The following ADCY8 variants were observed in gnomAD, a reference collection of about 807,000 sequenced individuals.
The protein encoded by ADCY8 is adenylate cyclase 8, also known as adenylate cyclase type 8.
ADCY8 carries 51 observed loss-of-function variants against 119.7 expected under a neutral mutation model. That is an observed-to-expected ratio of 0.43 (90% CI 0.34 to 0.54). ADCY8 has a LOEUF of 0.54. ADCY8 is among the 20% of genes least tolerant of loss of function. ADCY8 has a pLI of 0.03. For synonymous variants in ADCY8, 665 were observed against 651.0 expected, an observed-to-expected ratio of 1.02 and a Z score of -0.33; for missense variants, 1,383 against 1,598.8, an observed-to-expected ratio of 0.87 and a Z score of 2.30.
chr8:130,957,569 G>A (rs6987663), intron 2 of ADCY8, among the ~76,000 whole-genome samples: 149,733 of 152,292 alleles, frequency 0.98, 73,621 homozygotes, highest in African/African-American at 1. Flanking sequence ...TTAATCCCCA[G>A]GACAATGGGG....
At chr8:130,878,650 G>T (rs146701460) in intron 8 of ADCY8, among the ~76,000 whole-genome samples, 1,928 of 152,222 alleles carry the variant, frequency 0.013, 46 homozygotes, top group African/African-American at 0.044. Flanking sequence ...AATCTTGGGG[G>T]CAGAGTGATG....
chr8:130,851,507 G>GGCACAGC (rs1817527525), intron 9 of ADCY8, among the ~76,000 whole-genome samples: 1 of 152,166 alleles, frequency 6.6e-6, no homozygotes, highest in African/African-American at 2.4e-5. Context: ...GTGCTCAGGA[G>GGCACAGC]CTTTGTCCTG....
At chr8:130,888,636 T>A (rs1337218018) in intron 7 of ADCY8, among the ~76,000 whole-genome samples, 1 of 152,066 alleles carries the variant, frequency 6.6e-6, no homozygotes, top group Non-Finnish European at 1.5e-5. Flanking sequence ...CTGAACTGAG[T>A]CTCTGATGAT....
chr8:130,862,108 T>C (rs1045950413), intron 9 of ADCY8, among the ~76,000 whole-genome samples: 2 of 152,182 alleles, frequency 1.3e-5, no homozygotes, highest in African/African-American at 4.8e-5. Context: ...TTTATGTTTA[T>C]GTTTATGAGA....
intron 14 of ADCY8, among the ~76,000 whole-genome samples, chr8:130,808,933 G>A (rs1442792196): frequency 6.6e-6 from 1 of 151,314 alleles, no homozygotes; most frequent in Non-Finnish European, 1.5e-5. Context: ...TGGGTTTCCC[G>A]GGACTCAGAG....
At chr8:130,992,268 T>A (rs1398967418) in intron 1 of ADCY8, among the ~76,000 whole-genome samples, 1 of 147,830 alleles carries the variant, frequency 6.8e-6, no homozygotes, top group Non-Finnish European at 1.5e-5. Flanking sequence ...TTAGTAGAGA[T>A]GGGGTTTCAC....
At chr8:130,854,340 TAA>T (rs1817637094) in intron 9 of ADCY8, among the ~76,000 whole-genome samples, 1 of 152,224 alleles carries the variant, frequency 6.6e-6, no homozygotes, top group South Asian at 2.1e-4. Flanking sequence ...TTCTAGACAT[TAA>T]GTCCTAATTA....
chr8:131,010,426 G>T (rs765897147), intron 1 of ADCY8, among the ~76,000 whole-genome samples: 8 of 152,218 alleles, frequency 5.3e-5, no homozygotes, highest in Non-Finnish European at 1.0e-4. Context: ...AATTTGAGTT[G>T]TACAAAGTAA....
intron 5 of ADCY8, among the ~76,000 whole-genome samples, chr8:130,923,228 A>C (rs1203954323): frequency 6.6e-6 from 1 of 152,066 alleles, no homozygotes; most frequent in Non-Finnish European, 1.5e-5. Context: ...AAAGAGAGAA[A>C]AGAAAAGAGG....
intron 2 of ADCY8, among the ~76,000 whole-genome samples, chr8:130,963,399 G>A (rs1821666270): frequency 6.6e-6 from 1 of 152,182 alleles, no homozygotes; most frequent in South Asian, 2.1e-4. Flanking sequence ...CTAGACCTGT[G>A]GAGAGCTAGG....
intron 12 of ADCY8, among the ~76,000 whole-genome samples, chr8:130,832,280 G>A (rs192260147): frequency 3.3e-5 from 5 of 152,240 alleles, no homozygotes; most frequent in Non-Finnish European, 4.4e-5. Flanking sequence ...GTAGTTTGAC[G>A]AGCAGATTGG....
intron 9 of ADCY8, 103 bp downstream of exon 9, chr8:130,867,743 C>T (rs1321973333): frequency 1.3e-6 from 1 of 746,596 alleles, no homozygotes; most frequent in South Asian, 1.9e-5. Flanking sequence ...GTCCTGGACT[C>T]AGTTATTTTA....
Position 130,780,877 on chromosome 8 carries a change from C to T in ADCY8, c.3269G>A (p.Gly1090Asp), listed in dbSNP as rs1563660832. ...HSFNNFELRI[G>D]ISHGSVVAGV... ...AGCTACCACTGAGCCGTGGCTGATG[C>T]CTGGGGGGTGAAGCAAAGGAGCAAG... The change falls in exon 18 of 18, where the codon GGC becomes GAC. Residue 1090 changes from glycine (G) to aspartate (D), a missense_variant and splice_region_variant. By Grantham distance (94) the Gly-to-Asp change is moderately conservative. Coordinates refer to ENST00000286355, the MANE Select transcript of ADCY8 (RefSeq NM_001115.3). 1 of 1,612,198 alleles carries T rather than the reference C, an allele frequency of 6.2e-7. No homozygotes were observed. The highest frequency in any genetic ancestry group is 1.1e-5 in the South Asian group (1 of 90,986).
chr8:130,996,561 T>C (rs75638916), intron 1 of ADCY8, among the ~76,000 whole-genome samples: 3,275 of 152,162 alleles, frequency 0.022, 137 homozygotes, highest in African/African-American at 0.073. Context: ...TTGTACATGA[T>C]ACATGTAGCT....
At chr8:130,847,277 A>G in intron 11 of ADCY8, 147 bp downstream of exon 11, 1 of 584,982 alleles carries the variant, frequency 1.7e-6, no homozygotes, top group Non-Finnish European at 3.0e-6. Flanking sequence ...AAAGGGAAAG[A>G]AGAAGAAAGG....
chr8:130,930,867 T>G (rs533881589), intron 5 of ADCY8, among the ~76,000 whole-genome samples: 7 of 152,184 alleles, frequency 4.6e-5, no homozygotes, highest in Non-Finnish European at 1.0e-4. Flanking sequence ...TTTGAAAAGT[T>G]TTCTGCTACT....
chr8:131,017,830 A>C lies in ADCY8; in HGVS notation c.960+21544T>G, dbSNP rs557743354. On this transcript the variant is annotated intron_variant, in intron 1 of 17. Coordinates refer to ENST00000286355, the MANE Select transcript of ADCY8 (RefSeq NM_001115.3). Reference sequence around the variant, plus strand: ...GAAGTATGCCATGTAAGAGAAAAAAAAAAAATCCCACTAGGAGATGAGCAG... The same window carrying C: ...GAAGTATGCCATGTAAGAGAAAAAACAAAAATCCCACTAGGAGATGAGCAG... Among the ~76,000 whole-genome samples the C allele has an allele frequency of 9.3e-3, 1,423 of 152,328 alleles. 29 individuals are homozygous for C. The highest frequency in any genetic ancestry group is 0.032 in the African/African-American group (1,330 of 41,560).
chr8:130,918,508 T>C (rs1370346872), intron 5 of ADCY8, among the ~76,000 whole-genome samples: 5 of 152,188 alleles, frequency 3.3e-5, no homozygotes, highest in Non-Finnish European at 7.3e-5. Context: ...TAAAACCTAT[T>C]TTTTTAAAAA....
intron 5 of ADCY8, among the ~76,000 whole-genome samples, chr8:130,917,368 GC>G: frequency 6.6e-6 from 1 of 152,310 alleles, no homozygotes; most frequent in East Asian, 1.9e-4. Flanking sequence ...GGAAGCTGGA[GC>G]CCAGAGAGGT....
Sources: gnomAD v4.1 joint callset for allele counts (sites outside exome capture counted in the v4.1 genomes callset) on GRCh38, gnomAD v4.1.1 for gene constraint, MANE v1.5 for transcripts, NCBI Gene and HGNC (gene_info 2026-07-23, HGNC 2026-07-21) for gene names.